PCDHGA7: variants seen among roughly 807,000 people sequenced by gnomAD.
PCDHGA7 encodes the protein protocadherin gamma-A7.
PCDHGA7 carries 44 observed loss-of-function variants against 58.3 expected under a neutral mutation model. That is an observed-to-expected ratio of 0.75 (90% CI 0.59 to 0.97). The LOEUF (loss-of-function observed/expected upper bound fraction) is 0.97, where lower values mean the gene tolerates loss of function less well. PCDHGA7 is among the 50% of genes least tolerant of loss of function. PCDHGA7 has a pLI of 0.00. For missense variants in PCDHGA7, 1,266 were observed against 1,188.7 expected, an observed-to-expected ratio of 1.06 and a Z score of -0.96; for synonymous variants, 516 against 504.2, an observed-to-expected ratio of 1.02 and a Z score of -0.31.
chr5:141,417,232 G>C (rs997894028), intron 1 of PCDHGA7: 5 of 152,072 alleles, frequency 3.3e-5, no homozygotes, highest in Non-Finnish European at 7.4e-5. Flanking sequence ...AAAATTTGTT[G>C]CTTATCTTCA....
chr5:141,507,196 CCAGAT>C (rs2099859095), intron 3 of PCDHGA7: 1 of 152,374 alleles, frequency 6.6e-6, no homozygotes, highest in Non-Finnish European at 1.5e-5. Context: ...CTTTATTCTT[CCAGAT>C]CAGGGTTGCC....
chr5:141,400,144 G>A, intron 1 of PCDHGA7: 1 of 1,614,068 alleles, frequency 6.2e-7, no homozygotes, highest in Non-Finnish European at 8.5e-7. Context: ...GGATATCACT[G>A]ACCGCCCTGT....
rs1255551589 is a variant in PCDHGA7 at position 141,410,375 on chromosome 5, G to A, written c.2424+25052G>A. ...ACGCTCTCTCAGCCCTGCTACTTGG[G>A]ACTGCTTCCATCCTGGTCTCTGTGT... On this transcript the variant is annotated intron_variant, in intron 1 of 3. Coordinates refer to ENST00000518325, the MANE Select transcript of PCDHGA7 (RefSeq NM_018920.4). The A allele has an allele frequency of 6.2e-7, 1 of 1,614,028 alleles. No individual in the cohort carries two copies. Among genetic ancestry groups the A allele is most frequent in the Admixed American group, 1.7e-5 (1 of 60,022 alleles).
intron 1 of PCDHGA7, chr5:141,398,587 C>G: frequency 6.2e-7 from 1 of 1,613,860 alleles, no homozygotes; most frequent in Non-Finnish European, 8.5e-7. Context: ...AAGATTTATA[C>G]TAGAAGTAGC....
intron 1 of PCDHGA7, chr5:141,418,984 C>T: frequency 6.2e-7 from 1 of 1,613,930 alleles, no homozygotes; most frequent in African/African-American, 1.3e-5. Flanking sequence ...GGGACCAAGA[C>T]TCAGGGGAAA....
chr5:141,467,203 C>T (rs896621746), intron 1 of PCDHGA7, among the ~76,000 whole-genome samples: 1 of 152,052 alleles, frequency 6.6e-6, no homozygotes, highest in African/African-American at 2.4e-5. Flanking sequence ...CAGGCACATG[C>T]CACCATGCCT....
intron 1 of PCDHGA7, among the ~76,000 whole-genome samples, chr5:141,475,778 T>C (rs1204790631): frequency 2.0e-5 from 3 of 152,282 alleles, no homozygotes; most frequent in Non-Finnish European, 4.4e-5. Flanking sequence ...GCGCTTTGGC[T>C]GGAAACTCTG....
intron 1 of PCDHGA7, among the ~76,000 whole-genome samples, chr5:141,460,270 C>T (rs1223096441): frequency 6.6e-6 from 1 of 151,828 alleles, no homozygotes; most frequent in Non-Finnish European, 1.5e-5. Context: ...TTTATTTTTT[C>T]TTTTATAGTT....
In PCDHGA7 at chr5:141,491,623, G is replaced by C; in HGVS notation, c.2425-3184G>C. On this transcript the variant is annotated intron_variant, in intron 1 of 3. Coordinates refer to ENST00000518325, the MANE Select transcript of PCDHGA7 (RefSeq NM_018920.4). The surrounding 1 kb of genome is among the most constrained non-coding windows in gnomAD (Gnocchi z 6.9). ...CTTCACTTTTCTAAGACCCCTCAGC[G>C]TTCAGCAGCCCACAGCTCTGGCGCT... 1 of 1,613,930 alleles carries C rather than the reference G, an allele frequency of 6.2e-7. No individual in the cohort carries two copies. Among genetic ancestry groups the C allele is most frequent in the Non-Finnish European group, 8.5e-7 (1 of 1,180,020 alleles).
intron 1 of PCDHGA7, chr5:141,398,702 C>G: frequency 6.2e-7 from 1 of 1,613,832 alleles, no homozygotes; most frequent in Non-Finnish European, 8.5e-7. Flanking sequence ...AGTAAATACC[C>G]GGAACTGGCA....
intron 1 of PCDHGA7, chr5:141,409,073 A>G (rs200127436): frequency 6.2e-7 from 1 of 1,613,866 alleles, no homozygotes. Context: ...CACAAAACAT[A>G]TGTTCTCATT....
intron 1 of PCDHGA7, among the ~76,000 whole-genome samples, chr5:141,439,623 C>T (rs1219064055): frequency 6.6e-6 from 1 of 152,186 alleles, no homozygotes; most frequent in East Asian, 1.9e-4. Context: ...ATGAGCCAAT[C>T]CCCAGACATT....
chr5:141,497,986 G>T (rs1404550601), intron 2 of PCDHGA7, among the ~76,000 whole-genome samples: 1 of 152,176 alleles, frequency 6.6e-6, no homozygotes, highest in Non-Finnish European at 1.5e-5. Context: ...GGAGGCCCCT[G>T]CCCTCAAGGA....
chr5:141,491,529 G>C lies in PCDHGA7; in HGVS notation c.2425-3278G>C. 1 of 1,614,040 alleles carries C rather than the reference G, an allele frequency of 6.2e-7. No individual in the cohort carries two copies. The highest frequency in any genetic ancestry group is 1.1e-5 in the South Asian group (1 of 91,080). On this transcript the variant is annotated intron_variant, in intron 1 of 3. Coordinates refer to ENST00000518325, the MANE Select transcript of PCDHGA7 (RefSeq NM_018920.4). The surrounding 1 kb of genome is among the most constrained non-coding windows in gnomAD (Gnocchi z 6.9). ...GCACGCTCAAGTACATGGAGGTGACGCTGCGGCCCACAGACTCGCAGAGCC... is the reference window on the plus strand; with the variant it reads ...GCACGCTCAAGTACATGGAGGTGACCCTGCGGCCCACAGACTCGCAGAGCC...
rs769717528 is a variant in PCDHGA7, at chr5:141,390,239, C to G, written c.2424+4916C>G. ...TACTTTGCGGTGATTCATCTGGGGCCTTATTTCCACTTTGTAATTCCAGTG... is the reference window on the plus strand; with the variant it reads ...TACTTTGCGGTGATTCATCTGGGGCGTTATTTCCACTTTGTAATTCCAGTG... On this transcript the variant is annotated intron_variant, in intron 1 of 3. Coordinates refer to ENST00000518325, the MANE Select transcript of PCDHGA7 (RefSeq NM_018920.4). 32 of 1,613,904 alleles carry G rather than the reference C, an allele frequency of 2.0e-5. No homozygotes were observed. In the Admixed American group the frequency reaches 5.3e-4, roughly 27 times the overall value.
At chr5:141,418,912 ACT>A (rs1457793463) in intron 1 of PCDHGA7, 2 of 1,613,770 alleles carry the variant, frequency 1.2e-6, no homozygotes, top group Non-Finnish European at 1.7e-6. Flanking sequence ...TCATCACGTC[ACT>A]CTCTGATCAG....
At position 141,390,084 on chromosome 5, in the gene PCDHGA7, G is replaced by A. The variant is rs755692863; in HGVS notation, c.2424+4761G>A. Reference sequence around the variant, plus strand: ...CCAGCCTGGTCTCTGTGTTAAATCCGAATCCGTGGTTCCCCCCAACTACAG... The same window carrying A: ...CCAGCCTGGTCTCTGTGTTAAATCCAAATCCGTGGTTCCCCCCAACTACAG... On this transcript the variant is annotated intron_variant, in intron 1 of 3. Transcript: ENST00000518325. 8 of 1,613,954 alleles carry A rather than the reference G, an allele frequency of 5.0e-6. No homozygotes were observed. In the African/African-American group the frequency reaches 9.3e-5, roughly 19 times the overall value.
chr5:141,492,919 C>A (rs1019663003), intron 1 of PCDHGA7, among the ~76,000 whole-genome samples: 1 of 152,192 alleles, frequency 6.6e-6, no homozygotes, highest in Non-Finnish European at 1.5e-5. Context: ...ATGTGCCCAG[C>A]GATCTAGGGT....
chr5:141,426,465 T>C, intron 1 of PCDHGA7: 1 of 315,366 alleles, frequency 3.2e-6, no homozygotes, highest in African/African-American at 2.2e-5. Context: ...ATGTTCAGGA[T>C]TTATTGACCT....
Sources: gnomAD v4.1 joint callset for allele counts (sites outside exome capture counted in the v4.1 genomes callset) on GRCh38, gnomAD v4.1.1 for gene constraint, Gnocchi (gnomAD v3.1) non-coding constraint, MANE v1.5 for transcripts, NCBI Gene and HGNC (gene_info 2026-07-23, HGNC 2026-07-21) for gene names.